Variants in WWOX observed in about 807,000 individuals in gnomAD.
WWOX encodes the protein WW domain containing oxidoreductase, also known as WW domain-containing oxidoreductase.
In WWOX, 69 loss-of-function variants were observed where a neutral mutation model predicts 46.2. That is an observed-to-expected ratio of 1.49 (90% CI 1.23 to 1.82). The LOEUF is 1.82. WWOX is among the 40% of genes most tolerant of loss of function. WWOX has a pLI of 0.00. For synonymous variants in WWOX, 359 were observed against 202.6 expected (o/e 1.77, Z -6.56); for missense variants, 919 against 542.6 (o/e 1.69, Z -6.89).
chr16:78,844,590 G>C (rs2052247805), intron 8 of WWOX, among the ~76,000 whole-genome samples: 1 of 152,164 alleles, frequency 6.6e-6, no homozygotes, highest in Admixed American at 6.5e-5. Flanking sequence ...CACATGTGGA[G>C]GGAAAGACCG....
intron 5 of WWOX, among the ~76,000 whole-genome samples, chr16:78,298,179 T>G (rs1462092774): frequency 6.6e-6 from 1 of 152,160 alleles, no homozygotes; most frequent in Non-Finnish European, 1.5e-5. Context: ...TTAAACCTCT[T>G]TCCTTTATAA....
At chr16:79,204,569 C>G (rs1567616245) in intron 8 of WWOX, 2 of 152,146 alleles carry the variant, frequency 1.3e-5, no homozygotes, top group Non-Finnish European at 2.9e-5. Flanking sequence ...GGCAAGAATT[C>G]TGGAACACGA....
intron 5 of WWOX, among the ~76,000 whole-genome samples, chr16:78,215,536 C>T (rs963605332): frequency 3.9e-5 from 6 of 152,212 alleles, no homozygotes; most frequent in Admixed American, 1.3e-4. Context: ...TTGTAAGTTT[C>T]CTGAGGCCTC....
At chr16:78,542,900 G>A (rs908840952) in intron 8 of WWOX, among the ~76,000 whole-genome samples, 1 of 152,216 alleles carries the variant, frequency 6.6e-6, no homozygotes. Context: ...CCCTGAGGAT[G>A]TTAGCCCCAA....
At chr16:79,138,548 G>T (rs565493443) in intron 8 of WWOX, among the ~76,000 whole-genome samples, 12 of 152,204 alleles carry the variant, frequency 7.9e-5, no homozygotes, top group African/African-American at 2.9e-4. Flanking sequence ...CCTGGCATCA[G>T]ACCTGGCAGG....
chr16:79,069,296 C>G (rs80018904), intron 8 of WWOX, among the ~76,000 whole-genome samples: 2,128 of 152,266 alleles, frequency 0.014, 51 homozygotes, highest in African/African-American at 0.049. Flanking sequence ...CAGCGAAGGC[C>G]GTGTGGCTTC....
At chr16:78,860,719 T>A (rs946035601) in intron 8 of WWOX, among the ~76,000 whole-genome samples, 1 of 152,228 alleles carries the variant, frequency 6.6e-6, no homozygotes, top group African/African-American at 2.4e-5. Flanking sequence ...GCTTTAGTGC[T>A]CTGCTGCACT....
intron 8 of WWOX, among the ~76,000 whole-genome samples, chr16:78,658,970 T>G (rs796718690): frequency 9.0e-5 from 11 of 122,138 alleles, no homozygotes; most frequent in African/African-American, 3.3e-4. Context: ...TGCGTGCCTG[T>G]AGTCCTAGCT....
intron 1 of WWOX, among the ~76,000 whole-genome samples, chr16:78,101,540 C>G (rs2031791022): frequency 2.6e-5 from 4 of 151,904 alleles, no homozygotes; most frequent in Admixed American, 2.6e-4. Flanking sequence ...CGGCTGGTCT[C>G]CAACTCCTGG....
At chr16:78,130,292 T>A (rs1597242662) in intron 4 of WWOX, 3 of 152,352 alleles carry the variant, frequency 2.0e-5, no homozygotes, top group South Asian at 2.1e-4. Flanking sequence ...TGTGCCCTGA[T>A]GAGAAGAGGA....
chr16:78,503,401 C>A (rs1322818451), intron 8 of WWOX, among the ~76,000 whole-genome samples: 1 of 152,100 alleles, frequency 6.6e-6, no homozygotes, highest in South Asian at 2.1e-4. Context: ...TATATCCCCC[C>A]CATACTCCAG....
intron 5 of WWOX, among the ~76,000 whole-genome samples, chr16:78,282,167 G>A (rs10438626): frequency 0.22 from 34,194 of 152,050 alleles, 4,084 homozygotes; most frequent in East Asian, 0.45. Flanking sequence ...GCTTCTCCAC[G>A]GAGTCTGAGA....
At chr16:78,835,618 A>G (rs1212214097) in intron 8 of WWOX, among the ~76,000 whole-genome samples, 4 of 152,216 alleles carry the variant, frequency 2.6e-5, no homozygotes, top group African/African-American at 9.6e-5. Flanking sequence ...GTTATTATGA[A>G]TGTGTTTTAT....
Position 78,617,883 on chromosome 16 carries a change from T to C in WWOX, c.1056+185131T>C, listed in dbSNP as rs375614618. Among the ~76,000 whole-genome samples the C allele has an allele frequency of 1.7e-3, 259 of 152,342 alleles. 1 individual carries two copies. The highest frequency in any genetic ancestry group is 6.0e-3 in the African/African-American group (249 of 41,584). On this transcript the variant is annotated intron_variant, in intron 8 of 8. Transcript: ENST00000566780. ...ATTTCTGTCAAAATATGAATCTATC[T>C]TTGCCTAGCATCTTTTCATGTGCAC... is the stretch of plus-strand genomic sequence containing the variant.
At chr16:78,504,533 T>C (rs777824050) in intron 8 of WWOX, among the ~76,000 whole-genome samples, 52 of 152,236 alleles carry the variant, frequency 3.4e-4, no homozygotes, top group Non-Finnish European at 6.8e-4. Context: ...ATTGCTATTT[T>C]GTTATGTAAA....
intron 4 of WWOX, among the ~76,000 whole-genome samples, chr16:78,133,995 A>G (rs923837203): frequency 7.9e-5 from 12 of 152,148 alleles, no homozygotes; most frequent in African/African-American, 2.7e-4. Flanking sequence ...TATCCCTAAG[A>G]TGTGTTTTCT....
intron 5 of WWOX, among the ~76,000 whole-genome samples, chr16:78,252,271 T>A (rs1026698485): frequency 5.3e-5 from 8 of 152,110 alleles, no homozygotes; most frequent in African/African-American, 1.7e-4. Flanking sequence ...ATGCTTTATT[T>A]AAAAAAAATC....
chr16:78,431,239 A>T (rs1231830396), intron 7 of WWOX, among the ~76,000 whole-genome samples: 1 of 152,234 alleles, frequency 6.6e-6, no homozygotes, highest in Non-Finnish European at 1.5e-5. Flanking sequence ...GTGTACATCC[A>T]TGCCATGGGT....
chr16:78,202,537 A>T (rs936255150), intron 5 of WWOX, among the ~76,000 whole-genome samples: 3 of 152,192 alleles, frequency 2.0e-5, no homozygotes, highest in African/African-American at 7.2e-5. Context: ...TTGGTTGTTG[A>T]TCTGTTTGTC....
Sources: gnomAD v4.1 joint callset for allele counts (sites outside exome capture counted in the v4.1 genomes callset) on GRCh38, gnomAD v4.1.1 for gene constraint, MANE v1.5 for transcripts, NCBI Gene and HGNC (gene_info 2026-07-23, HGNC 2026-07-21) for gene names.